SLC9C1: variants seen among roughly 807,000 people sequenced by gnomAD.
The protein encoded by SLC9C1 is solute carrier family 9 member C1.
SLC9C1 carries 97 observed loss-of-function variants against 140.9 expected under a neutral mutation model. The observed-to-expected ratio is 0.69, with a 90% CI of 0.58 to 0.82. The LOEUF (loss-of-function observed/expected upper bound fraction) is 0.82. Ranked by LOEUF, SLC9C1 falls within the 40% of genes least tolerant of loss-of-function variation. The pLI is 0.00. For synonymous variants in SLC9C1, 440 were observed against 442.6 expected, an observed-to-expected ratio of 0.99 and a Z score of 0.07; for missense variants, 1,340 against 1,389.3, an observed-to-expected ratio of 0.96 and a Z score of 0.56.
chr3:112,222,916 A>G lies in SLC9C1; in HGVS notation c.1573-1691T>C, dbSNP rs895555186. ...ATAAATGTATCATTACTTGGATAAAACTCCTATTTTTAGGTCTGAAACATC... is the reference window on the plus strand; with the variant it reads ...ATAAATGTATCATTACTTGGATAAAGCTCCTATTTTTAGGTCTGAAACATC... On this transcript the variant is annotated intron_variant, in intron 13 of 28. Transcript: ENST00000305815. Among the ~76,000 whole-genome samples, 9 of 152,088 alleles carry G rather than the reference A, an allele frequency of 5.9e-5. No individual in the cohort carries two copies. In the East Asian group the frequency reaches 1.7e-3, roughly 29 times the overall value.
intron 15 of SLC9C1, among the ~76,000 whole-genome samples, chr3:112,213,812 T>A (rs2078277489): frequency 6.6e-6 from 1 of 152,038 alleles, no homozygotes; most frequent in Non-Finnish European, 1.5e-5. Context: ...GACAGAAAGT[T>A]AACAAGGATA....
chr3:112,272,463 CTG>C (rs150905315), intron 6 of SLC9C1, among the ~76,000 whole-genome samples: 4,672 of 152,152 alleles, frequency 0.031, 107 homozygotes, highest in Middle Eastern at 0.041. Context: ...ATTAGTAACA[CTG>C]TTTAAATAAT....
At chr3:112,217,136 A>T (rs1448077606) in intron 15 of SLC9C1, among the ~76,000 whole-genome samples, 1 of 152,160 alleles carries the variant, frequency 6.6e-6, no homozygotes, top group Non-Finnish European at 1.5e-5. Context: ...GTTCTCACTC[A>T]TAGGTGGGAA....
Position 112,208,168 on chromosome 3 carries a change from T to C in SLC9C1, c.1986+10A>G. 6.3e-7 allele frequency: 1 copy of C among 1,576,052 alleles called. No individual in the cohort carries two copies. Among genetic ancestry groups the C allele is most frequent in the Non-Finnish European group, 8.6e-7 (1 of 1,163,798 alleles). On this transcript the variant is annotated intron_variant, in intron 16 of 28. Transcript: ENST00000305815. ...ATAACACTTCCATACACACATAAATTTTAGATTACCTTAAGTAGTGCCTCT... is the reference window on the plus strand; with the variant it reads ...ATAACACTTCCATACACACATAAATCTTAGATTACCTTAAGTAGTGCCTCT...
At chr3:112,193,626 G>A (rs929640027) in intron 20 of SLC9C1, among the ~76,000 whole-genome samples, 13 of 152,070 alleles carry the variant, frequency 8.5e-5, no homozygotes, top group African/African-American at 3.1e-4. Flanking sequence ...ATGGCATGGG[G>A]TCATTGGGCA....
intron 16 of SLC9C1, 75 bp from the exon 17 acceptor site, chr3:112,204,478 ACAT>A (rs2077991268): frequency 6.9e-7 from 1 of 1,457,112 alleles, no homozygotes; most frequent in Admixed American, 2.7e-5. Context: ...AATAATTTAA[ACAT>A]CATGTTAGGC....
At chr3:112,170,807 T>C (rs1270910314) in intron 23 of SLC9C1, among the ~76,000 whole-genome samples, 1 of 152,228 alleles carries the variant, frequency 6.6e-6, no homozygotes, top group African/African-American at 2.4e-5. Context: ...GTATAGGACA[T>C]GTATATTTAA....
chr3:112,239,709 A>G, intron 12 of SLC9C1, 131 bp downstream of exon 12: 3 of 928,750 alleles, frequency 3.2e-6, no homozygotes, highest in Non-Finnish European at 4.6e-6. Flanking sequence ...ACTTTGTTAA[A>G]TAGAGTTATT....
Position 112,169,240 on chromosome 3 carries a change from A to T in SLC9C1, c.3008T>A (p.Leu1003His). The change falls in exon 24 of 29, where the codon CTC becomes CAC. Residue 1003 changes from leucine to histidine, a missense_variant. Transcript: ENST00000305815. Reference sequence around the variant, plus strand: ...TCTGATTTTTCTGGCTGTAATAGCGAGTCCAAGTTTTAGCCACATTTTTTG... The same window carrying T: ...TCTGATTTTTCTGGCTGTAATAGCGTGTCCAAGTTTTAGCCACATTTTTTG... The part of the protein sequence containing the change: ...IKQKMWLKLG[L>H]AITARKIREH... The T allele has an allele frequency of 6.2e-7, 1 of 1,613,674 alleles. No homozygotes were observed. Among genetic ancestry groups the T allele is most frequent in the Non-Finnish European group, 8.5e-7 (1 of 1,179,800 alleles).
At chr3:112,227,839 A>C (rs1348594323) in intron 13 of SLC9C1, among the ~76,000 whole-genome samples, 2 of 152,132 alleles carry the variant, frequency 1.3e-5, no homozygotes, top group Admixed American at 6.6e-5. Context: ...AAAATACATA[A>C]GAATACATTT....
In SLC9C1 at chr3:112,199,488, T is replaced by C. The variant is rs936310342; in HGVS notation, c.2375-19A>G. The C allele has an allele frequency of 3.3e-6, 5 of 1,533,448 alleles. No individual in the cohort carries two copies. In the South Asian group the frequency reaches 6.5e-5, roughly 20 times the overall value. The allele number at this position is 1,533,448 out of a possible 1,614,324, so 95.0% of individuals were successfully genotyped here. ...AAGTAGCCTAAAAAATAACAAAATA[T>C]TTTTAGATTAAATAAGAACATTGTT... On this transcript the variant is annotated intron_variant, in intron 19 of 28. Coordinates refer to ENST00000305815, the MANE Select transcript of SLC9C1 (RefSeq NM_183061.3).
chr3:112,243,659 C>A (rs2079196620), intron 11 of SLC9C1, among the ~76,000 whole-genome samples: 1 of 151,514 alleles, frequency 6.6e-6, no homozygotes, highest in Non-Finnish European at 1.5e-5. Context: ...AAATTAGGCA[C>A]CACTGACTTG....
At chr3:112,271,191 G>T (rs1436726080) in intron 6 of SLC9C1, among the ~76,000 whole-genome samples, 1 of 151,912 alleles carries the variant, frequency 6.6e-6, no homozygotes, top group Non-Finnish European at 1.5e-5. Flanking sequence ...AGAGAATAGG[G>T]AATTGTTGAT....
chr3:112,214,514 A>C (rs13071957), intron 15 of SLC9C1, among the ~76,000 whole-genome samples: 2 of 152,032 alleles, frequency 1.3e-5, no homozygotes, highest in Non-Finnish European at 1.5e-5. Flanking sequence ...GCAATAAAAA[A>C]TGATAAAGGG....
intron 20 of SLC9C1, 123 bp from the exon 21 acceptor site, chr3:112,182,381 AT>A: frequency 1.0e-6 from 1 of 1,003,690 alleles, no homozygotes; most frequent in Non-Finnish European, 1.4e-6. Flanking sequence ...TTCCATGAAC[AT>A]TTTCAACCTC....
chr3:112,221,316 T>G, intron 13 of SLC9C1, 91 bp from the exon 14 acceptor site: 1 of 1,044,294 alleles, frequency 9.6e-7, no homozygotes, highest in Admixed American at 2.1e-5. Flanking sequence ...GATAAAGAAG[T>G]AAAAACAATC....
At chr3:112,152,664 C>A (rs1036722511) in intron 27 of SLC9C1, among the ~76,000 whole-genome samples, 1 of 152,158 alleles carries the variant, frequency 6.6e-6, no homozygotes, top group African/African-American at 2.4e-5. Flanking sequence ...AAACCTTGGA[C>A]AATACCCAGG....
At chr3:112,180,713 T>A (rs2077423774) in intron 21 of SLC9C1, 51 bp from the exon 22 acceptor site, 1 of 1,451,856 alleles carries the variant, frequency 6.9e-7, no homozygotes, top group Non-Finnish European at 9.5e-7. Context: ...TTAGAAGTGG[T>A]TGGGAATGTT....
At chr3:112,266,416 T>A in intron 7 of SLC9C1, 76 bp from the exon 8 acceptor site, 1 of 1,145,390 alleles carries the variant, frequency 8.7e-7, no homozygotes, top group Non-Finnish European at 1.2e-6. Context: ...GAGTTAAAAG[T>A]ATCAGATGTT....
Sources: gnomAD v4.1 joint callset for allele counts (sites outside exome capture counted in the v4.1 genomes callset) on GRCh38, gnomAD v4.1.1 for gene constraint, MANE v1.5 for transcripts, NCBI Gene and HGNC (gene_info 2026-07-23, HGNC 2026-07-21) for gene names.